The following CHRM3 variants were observed in gnomAD, a reference collection of about 807,000 sequenced individuals.
CHRM3 encodes muscarinic acetylcholine receptor M3.
CHRM3 carries 11 observed loss-of-function variants against 41.8 expected under a neutral mutation model. The ratio of observed to expected loss-of-function variants is 0.26; its 90% CI spans 0.17 to 0.44. CHRM3 has a LOEUF of 0.44. CHRM3 is among the 20% of genes least tolerant of loss of function. CHRM3 has a pLI of 1.00. For missense variants in CHRM3, 571 were observed against 745.4 expected (o/e 0.77, Z 2.72); for synonymous variants, 297 against 301.4 (o/e 0.99, Z 0.15).
intron 1 of CHRM3, among the ~76,000 whole-genome samples, chr1:239,435,209 C>T (rs1572286361): frequency 4.0e-5 from 6 of 149,610 alleles, no homozygotes; most frequent in South Asian, 2.1e-4. Context: ...CCCAGCACTT[C>T]GGGAGGCCAA....
At chr1:239,753,182 G>A (rs555817705) in intron 5 of CHRM3, among the ~76,000 whole-genome samples, 14 of 152,200 alleles carry the variant, frequency 9.2e-5, no homozygotes, top group African/African-American at 1.9e-4. Context: ...ATGACTTCAG[G>A]TCAAACGTAT....
chr1:239,759,084 T>C (rs564473729), intron 5 of CHRM3, among the ~76,000 whole-genome samples: 2 of 151,580 alleles, frequency 1.3e-5, no homozygotes, highest in African/African-American at 4.8e-5. Context: ...ATTAAATGGC[T>C]CCATACCTAA....
chr1:239,450,348 T>A (rs570402202), intron 1 of CHRM3, among the ~76,000 whole-genome samples: 1 of 152,302 alleles, frequency 6.6e-6, no homozygotes, highest in South Asian at 2.1e-4. Context: ...TTCTGCAAAT[T>A]CATATTTCCC....
At chr1:239,699,098 A>G (rs534929002) in intron 5 of CHRM3, among the ~76,000 whole-genome samples, 8 of 152,148 alleles carry the variant, frequency 5.3e-5, no homozygotes, top group African/African-American at 1.9e-4. Context: ...TTTTTTTCTA[A>G]GTTTTTCTCA....
chr1:239,639,683 T>C (rs1670886047), intron 4 of CHRM3, among the ~76,000 whole-genome samples: 1 of 151,992 alleles, frequency 6.6e-6, no homozygotes. Flanking sequence ...TGGGGTTTTC[T>C]AGATATACAA....
chr1:239,698,088 G>A (rs2148058675), intron 5 of CHRM3, among the ~76,000 whole-genome samples: 1 of 152,214 alleles, frequency 6.6e-6, no homozygotes, highest in East Asian at 1.9e-4. Flanking sequence ...TTTTTAAAAA[G>A]AGATTCTGAG....
chr1:239,741,095 C>T (rs1252954712), intron 5 of CHRM3, among the ~76,000 whole-genome samples: 2 of 151,932 alleles, frequency 1.3e-5, no homozygotes, highest in East Asian at 1.9e-4. Flanking sequence ...GGCTAAGGTT[C>T]CCATAACAAA....
chr1:239,756,968 C>T (rs957537676), intron 5 of CHRM3, among the ~76,000 whole-genome samples: 2 of 152,140 alleles, frequency 1.3e-5, no homozygotes, highest in African/African-American at 2.4e-5. Flanking sequence ...AGACAAGTGA[C>T]TCGTGATCAC....
intron 6 of CHRM3, among the ~76,000 whole-genome samples, chr1:239,894,725 G>A (rs1015690414): frequency 2.0e-5 from 3 of 150,568 alleles, no homozygotes; most frequent in African/African-American, 7.3e-5. Context: ...GAGCCACCGC[G>A]CCCGACCGAG....
intron 6 of CHRM3, among the ~76,000 whole-genome samples, chr1:239,867,960 G>C (rs1329862820): frequency 6.6e-6 from 1 of 152,140 alleles, no homozygotes; most frequent in Non-Finnish European, 1.5e-5. Context: ...CGCTTCGGAG[G>C]AGCCTGCCCT....
At chr1:239,633,288 C>T (rs1573033738) in intron 4 of CHRM3, among the ~76,000 whole-genome samples, 2 of 152,084 alleles carry the variant, frequency 1.3e-5, no homozygotes, top group Non-Finnish European at 2.9e-5. Flanking sequence ...ACTTACATAG[C>T]GGCAGGAGAG....
rs1671222650 is a variant in CHRM3, at chr1:239,642,133, C to G, written c.-250+9847C>G. ...GCTTGTAGAGTTTCTGCCGAGAGAC[C>G]CTCTGTTAGTCTGATGGGCTTCCCT... is the stretch of plus-strand genomic sequence containing the variant. On this transcript the variant is annotated intron_variant, in intron 4 of 6. Transcript: ENST00000676153. Among the ~76,000 whole-genome samples the G allele has an allele frequency of 3.8e-5, 5 of 129,966 alleles. No individual in the cohort carries two copies. The South Asian group carries it at 1.3e-3, about 33-fold the overall frequency. 85.3% of individuals were successfully genotyped at this position (129,966 alleles called of 152,430 possible).
chr1:239,424,003 C>T (rs965238367), intron 1 of CHRM3, among the ~76,000 whole-genome samples: 2 of 145,300 alleles, frequency 1.4e-5, no homozygotes, highest in South Asian at 2.2e-4. Flanking sequence ...TGCAGTGAGC[C>T]GAGATTGCGC....
At chr1:239,456,974 A>T (rs1664990011) in intron 1 of CHRM3, among the ~76,000 whole-genome samples, 1 of 152,190 alleles carries the variant, frequency 6.6e-6, no homozygotes, top group Non-Finnish European at 1.5e-5. Flanking sequence ...GAAGATGTAC[A>T]TGTCCACTTT....
rs1679955015 is a variant in CHRM3 at position 239,906,197 on chromosome 1, T to A, written c.-19-1236T>A. The stretch of plus-strand genomic sequence containing the variant: ...GAAGTCTCTGTGTGAATCTGACTAC[T>A]GCTTTGAGAGACACTCTGAGAAAAC... On this transcript the variant is annotated intron_variant, in intron 6 of 6. Transcript: ENST00000676153. 3.3e-5 allele frequency among the ~76,000 whole-genome samples: 5 copies of A among 152,244 alleles called. No individual in the cohort carries two copies. In the South Asian group the frequency reaches 8.3e-4, roughly 25 times the overall value.
At position 239,427,949 on chromosome 1, in the gene CHRM3, C is replaced by T. The variant is rs558620549; in HGVS notation, c.-521+40722C>T. ...TATAGTCCTGGCTGACTATTATTTG[C>T]ACACATGAGGTTATGAAATTGACAG... On this transcript the variant is annotated intron_variant, in intron 1 of 6. Coordinates refer to ENST00000676153, the MANE Select transcript of CHRM3 (RefSeq NM_001375978.1). Among the ~76,000 whole-genome samples, 7 of 152,294 alleles carry T rather than the reference C, an allele frequency of 4.6e-5. No homozygotes were observed. The East Asian group carries it at 1.2e-3, about 25-fold the overall frequency.
intron 1 of CHRM3, among the ~76,000 whole-genome samples, chr1:239,488,867 T>C (rs539106984): frequency 1.8e-4 from 28 of 152,160 alleles, no homozygotes; most frequent in Non-Finnish European, 4.0e-4. Flanking sequence ...TATAAATTGT[T>C]AGGCATTTTG....
chr1:239,708,022 A>G (rs1303311838), intron 5 of CHRM3, among the ~76,000 whole-genome samples: 3 of 152,228 alleles, frequency 2.0e-5, no homozygotes, highest in African/African-American at 4.8e-5. Flanking sequence ...AAAAAATACC[A>G]TTTAACTCCT....
chr1:239,729,592 A>G (rs1663768975), intron 5 of CHRM3, among the ~76,000 whole-genome samples: 1 of 151,966 alleles, frequency 6.6e-6, no homozygotes, highest in African/African-American at 2.4e-5. Context: ...GCCCACCACA[A>G]TGAGCTGGAC....
Sources: gnomAD v4.1 joint callset for allele counts (sites outside exome capture counted in the v4.1 genomes callset) on GRCh38, gnomAD v4.1.1 for gene constraint, MANE v1.5 for transcripts, NCBI Gene and HGNC (gene_info 2026-07-23, HGNC 2026-07-21) for gene names.